Variants in ZC3H12B observed in about 807,000 individuals in gnomAD.
ZC3H12B encodes the protein probable ribonuclease ZC3H12B.
In ZC3H12B, 7 loss-of-function variants were observed where a neutral mutation model predicts 43.9. The observed-to-expected ratio is 0.16, with a 90% CI of 0.09 to 0.30. The LOEUF is 0.30. ZC3H12B is among the 10% of genes least tolerant of loss of function. The pLI, the probability that ZC3H12B is intolerant of heterozygous loss-of-function variation, is 1.00. For synonymous variants in ZC3H12B, 222 were observed against 241.7 expected (o/e 0.92, Z 0.76); for missense variants, 475 against 670.2 (o/e 0.71, Z 3.22).
At chrX:65,142,904 A>G in the ZC3H12B span, among the ~76,000 whole-genome samples, 9 of 112,080 alleles carry the variant, frequency 8.0e-5, no homozygotes, top group African/African-American at 9.7e-5. Flanking sequence ...GACTATGGCC[A>G]TATAGTATAG....
chrX:65,497,081 C>T, intron 1 of ZC3H12B, 51 bp from the exon 7 acceptor site: 1 of 1,112,670 alleles, frequency 9.0e-7, no homozygotes, highest in Non-Finnish European at 1.2e-6. Flanking sequence ...TCAGATATTT[C>T]TTTGCTATCT....
At chrX:65,372,006 G>C (rs1329675557) in intron 2 of ZC3H12B, among the ~76,000 whole-genome samples, 1 of 111,691 alleles carries the variant, frequency 9.0e-6, no homozygotes, top group Non-Finnish European at 1.9e-5. Context: ...CTGACTGCTT[G>C]TTATTCGTGT....
At chrX:65,072,491 C>A in the ZC3H12B span, among the ~76,000 whole-genome samples, 1 of 112,403 alleles carries the variant, frequency 8.9e-6, no homozygotes, top group African/African-American at 3.2e-5. Flanking sequence ...GTTTCTTGTG[C>A]TGGTTCTTTC....
At chrX:65,260,017 G>T in the ZC3H12B span, among the ~76,000 whole-genome samples, 67 of 111,463 alleles carry the variant, frequency 6.0e-4, no homozygotes, top group African/African-American at 2.0e-3. Flanking sequence ...TAGGCGTTGA[G>T]CTGTGAGGAT....
At chrX:65,168,399 G>A in the ZC3H12B span, among the ~76,000 whole-genome samples, 1 of 111,674 alleles carries the variant, frequency 9.0e-6, no homozygotes, top group African/African-American at 3.3e-5. Context: ...CTTGATCATG[G>A]TGGATAAGCT....
chrX:65,096,959 C>T, the ZC3H12B span, among the ~76,000 whole-genome samples: 2 of 111,234 alleles, frequency 1.8e-5, no homozygotes, highest in Non-Finnish European at 3.8e-5. Context: ...GATCCTGAGA[C>T]CAAAAAGATT....
the ZC3H12B span, among the ~76,000 whole-genome samples, chrX:65,164,019 T>C: frequency 2.7e-5 from 3 of 112,211 alleles, no homozygotes; most frequent in Non-Finnish European, 5.6e-5. Flanking sequence ...TATAGCCTGA[T>C]GATTTCTCTT....
chrX:65,132,199 G>A, the ZC3H12B span, among the ~76,000 whole-genome samples: 1 of 111,691 alleles, frequency 9.0e-6, no homozygotes, highest in Non-Finnish European at 1.9e-5. Flanking sequence ...TACGGGTTGG[G>A]CAACACAGGG....
the ZC3H12B span, among the ~76,000 whole-genome samples, chrX:65,360,134 C>T: frequency 1.8e-5 from 2 of 112,154 alleles, no homozygotes; most frequent in African/African-American, 3.2e-5. Flanking sequence ...TGCTATTGCA[C>T]ACTTCATACA....
At chrX:65,348,210 C>T in the ZC3H12B span, among the ~76,000 whole-genome samples, 1 of 111,818 alleles carries the variant, frequency 8.9e-6, no homozygotes, top group Non-Finnish European at 1.9e-5. Flanking sequence ...TGCACTTGTA[C>T]CCTAGAACTT....
chrX:65,119,349 T>G, the ZC3H12B span, among the ~76,000 whole-genome samples: 1,408 of 111,703 alleles, frequency 0.013, 24 homozygotes, highest in African/African-American at 0.042. Context: ...ATTCTAACTG[T>G]TGTGAGATGG....
At chrX:65,102,719 C>G in the ZC3H12B span, among the ~76,000 whole-genome samples, 1 of 111,637 alleles carries the variant, frequency 9.0e-6, no homozygotes, top group East Asian at 2.8e-4. Flanking sequence ...AAAACCACTT[C>G]TCAAGTATCA....
At chrX:65,159,803 A>C in the ZC3H12B span, among the ~76,000 whole-genome samples, 2 of 111,775 alleles carry the variant, frequency 1.8e-5, no homozygotes, top group African/African-American at 6.5e-5. Flanking sequence ...CACTATGTGG[A>C]AGAGGAGTGG....
At chrX:65,151,241 G>A in the ZC3H12B span, among the ~76,000 whole-genome samples, 1 of 111,231 alleles carries the variant, frequency 9.0e-6, no homozygotes, top group South Asian at 3.7e-4. Flanking sequence ...CACAAACCAA[G>A]AAAAAATTTT....
chrX:65,488,818 A>G, exon 1 of ZC3H12B: 2 of 1,198,578 alleles, frequency 1.7e-6, no homozygotes, highest in Non-Finnish European at 2.2e-6. Flanking sequence ...GCCACAGCTG[A>G]GGTAGAGACA....
intron 3 of ZC3H12B, among the ~76,000 whole-genome samples, chrX:65,445,379 T>G (rs758074401): frequency 8.9e-6 from 1 of 112,581 alleles, no homozygotes; most frequent in Non-Finnish European, 1.9e-5. Flanking sequence ...CAAAGGGAAT[T>G]GAGTGTTGTG....
the ZC3H12B span, among the ~76,000 whole-genome samples, chrX:65,338,925 G>GT: frequency 2.6e-4 from 29 of 112,260 alleles, no homozygotes; most frequent in East Asian, 8.2e-3. Context: ...ATGGACAAAA[G>GT]TTGAAAGTAT....
At chrX:65,140,063 C>A in the ZC3H12B span, among the ~76,000 whole-genome samples, 2 of 110,435 alleles carry the variant, frequency 1.8e-5, no homozygotes, top group Non-Finnish European at 3.8e-5. Context: ...TCTTTCTTTC[C>A]AATTTGGATG....
At chrX:65,231,497 CGT>C in the ZC3H12B span, among the ~76,000 whole-genome samples, 2 of 110,800 alleles carry the variant, frequency 1.8e-5, no homozygotes, top group Non-Finnish European at 3.8e-5. Context: ...ATCTTAACCG[CGT>C]ATCTCAATCC....
Sources: allele counts gnomAD v4.1 joint callset (sites outside exome capture counted in the v4.1 genomes callset), GRCh38; gene constraint gnomAD v4.1.1; transcripts MANE v1.5; gene names NCBI Gene and HGNC (gene_info 2026-07-23, HGNC 2026-07-21).